Variants in KMT5A observed in about 807,000 individuals in gnomAD.
KMT5A encodes the protein N-lysine methyltransferase KMT5A.
Under a neutral mutation model 40.6 loss-of-function variants are expected in KMT5A, and 6 were observed. The observed-to-expected ratio is 0.15, with a 90% confidence interval of 0.08 to 0.29. The LOEUF is 0.29. Ranked by LOEUF, KMT5A falls within the 10% of genes least tolerant of loss-of-function variation. The probability of loss-of-function intolerance (pLI) is 1.00; values close to 1 mark genes in which losing one functional copy is unlikely to be tolerated. For missense variants in KMT5A, 308 were observed against 459.1 expected, an observed-to-expected ratio of 0.67 and a Z score of 3.01; for synonymous variants, 153 against 178.8, an observed-to-expected ratio of 0.86 and a Z score of 1.15.
At chr12:123,391,028 T>A in intron 3 of KMT5A, 2 of 484,174 alleles carry the variant, frequency 4.1e-6, no homozygotes, top group South Asian at 4.7e-5. Flanking sequence ...ATTGTCTTGC[T>A]TAGTTGCAAA....
In KMT5A at chr12:123,393,218, A is replaced by G. The variant is rs537583339; in HGVS notation, c.290-1829A>G. Among the ~76,000 whole-genome samples, 51 of 152,216 alleles carry G rather than the reference A, an allele frequency of 3.4e-4. 1 individual carries two copies. The South Asian group carries it at 0.01, about 31-fold the overall frequency. ...TTTTCTGTTTTGTTTATCTAGATAT[A>G]GTTAATATATCATAACGTTCATGTT... On this transcript the variant is annotated intron_variant, in intron 3 of 7. Transcript: ENST00000402868.
At chr12:123,387,055 C>T (rs577686119) in intron 1 of KMT5A, among the ~76,000 whole-genome samples, 4 of 152,196 alleles carry the variant, frequency 2.6e-5, no homozygotes, top group Admixed American at 6.5e-5. Context: ...CGGGGTTTCG[C>T]CATGTTGGCC....
chr12:123,399,292 C>T (rs549885813), intron 5 of KMT5A, among the ~76,000 whole-genome samples: 1 of 152,256 alleles, frequency 6.6e-6, no homozygotes, highest in Non-Finnish European at 1.5e-5. Flanking sequence ...CACTCCATCT[C>T]CTTCTAGGCC....
intron 7 of KMT5A, among the ~76,000 whole-genome samples, chr12:123,406,215 C>T (rs1443210568): frequency 6.6e-6 from 1 of 152,224 alleles, no homozygotes; most frequent in Non-Finnish European, 1.5e-5. Context: ...TTAAGCAGCT[C>T]ACCTGGCTCT....
In KMT5A at chr12:123,384,324, G is replaced by C; in HGVS notation, c.10+116G>C. The stretch of plus-strand genomic sequence containing the variant: ...GTCCTCCTCGGGTGGCTCGGGGCAA[G>C]CTTGGGGACCCGCGTGGGGGGAGAG... On this transcript the variant is annotated intron_variant, in intron 1 of 7. Transcript: ENST00000402868. The surrounding 1 kb of genome is among the most constrained non-coding windows in gnomAD (Gnocchi z 5.7). 7.0e-7 allele frequency: 1 copy of C among 1,436,042 alleles called. No homozygotes were observed. The highest frequency in any genetic ancestry group is 9.5e-7 in the Non-Finnish European group (1 of 1,053,642). 89.0% of individuals were successfully genotyped at this position (1,436,042 alleles called of 1,614,324 possible).
chr12:123,406,370 A>G (rs1377851938), intron 7 of KMT5A, among the ~76,000 whole-genome samples: 2 of 152,056 alleles, frequency 1.3e-5, no homozygotes, highest in African/African-American at 2.4e-5. Context: ...GCAGGAGTGC[A>G]GTGGCACGAT....
intron 1 of KMT5A, among the ~76,000 whole-genome samples, chr12:123,386,689 T>C (rs1416984015): frequency 6.6e-6 from 1 of 152,128 alleles, no homozygotes; most frequent in Non-Finnish European, 1.5e-5. Context: ...TTTATAATCA[T>C]GCAAATATTT....
intron 7 of KMT5A, 22 bp from the exon 8 acceptor site, chr12:123,407,471 T>C (rs377661291): frequency 1.9e-5 from 31 of 1,612,520 alleles, no homozygotes; most frequent in Non-Finnish European, 2.5e-5. Flanking sequence ...TTTAATCCTC[T>C]CTGGCCCTCC....
chr12:123,396,581 A>T (rs1031986948), intron 5 of KMT5A, 149 bp downstream of exon 5: 1 of 695,462 alleles, frequency 1.4e-6, no homozygotes, highest in Non-Finnish European at 2.4e-6. Flanking sequence ...TTTCTCCTGG[A>T]TCTATCGGGG....
At chr12:123,400,085 G>A (rs1878030078) in intron 5 of KMT5A, among the ~76,000 whole-genome samples, 1 of 151,956 alleles carries the variant, frequency 6.6e-6, no homozygotes, top group South Asian at 2.1e-4. Context: ...GCCTCCCAAA[G>A]TGCTGGGATT....
chr12:123,394,979 C>A, intron 3 of KMT5A, 68 bp from the exon 4 acceptor site: 1 of 1,366,380 alleles, frequency 7.3e-7, no homozygotes, highest in Non-Finnish European at 1.0e-6. Flanking sequence ...TCTTAGAATG[C>A]AGCTGGTCGT....
At position 123,403,596 on chromosome 12, in the gene KMT5A, T is replaced by C; in HGVS notation, c.621T>C (p.Asp207=). 2 of 1,614,146 alleles carry C rather than the reference T, an allele frequency of 1.2e-6. No homozygotes were observed. The highest frequency in any genetic ancestry group is 1.7e-4 in the Middle Eastern group (1 of 6,060). The stretch of plus-strand genomic sequence containing the variant: ...AGTCTGAAGAAAGGAAAAGAATAGA[T>C]GAATTGATTGAAAGTGGGAAGGAAG... ...ELQSEERKRI[D]ELIESGKEEG... is the part of the protein sequence containing the mutation. Residue 207 remains aspartate, a synonymous_variant, in exon 6 of 8, where the codon GAT becomes GAC. Coordinates refer to ENST00000402868, the MANE Select transcript of KMT5A (RefSeq NM_020382.7).
At position 123,407,582 on chromosome 12, in the gene KMT5A, A is replaced by G. The variant is rs1370980819; in HGVS notation, c.938A>G (p.Asp313Gly). 5 of 1,613,706 alleles carry G rather than the reference A, an allele frequency of 3.1e-6. No individual in the cohort carries two copies. The highest frequency in any genetic ancestry group is 1.6e-4 in the Middle Eastern group (1 of 6,078). The change falls in exon 8 of 8, where the codon GAC becomes GGC. Residue 313 changes from aspartate (D) to glycine (G), a missense_variant. By Grantham distance (94) the Asp-to-Gly change is moderately conservative. This residue lies in a region of KMT5A where 77 missense variants were observed against 220.0 expected (regional missense o/e 0.35). Coordinates refer to ENST00000402868, the MANE Select transcript of KMT5A (RefSeq NM_020382.7). ...TGCCAAACCAAACTGCACGACATCG[A>G]CGGCGTACCTCACCTCATCCTCATC... ...GNCQTKLHDI[D>G]GVPHLILIAS...
At chr12:123,404,713 G>A (rs1878409078) in intron 6 of KMT5A, among the ~76,000 whole-genome samples, 171 bp from the exon 7 acceptor site, 1 of 152,162 alleles carries the variant, frequency 6.6e-6, no homozygotes, top group Non-Finnish European at 1.5e-5. Flanking sequence ...TTGCACAGCT[G>A]TATACACTTC....
intron 7 of KMT5A, among the ~76,000 whole-genome samples, chr12:123,406,798 G>A (rs1878586232): frequency 6.6e-6 from 1 of 151,902 alleles, no homozygotes; most frequent in African/African-American, 2.4e-5. Flanking sequence ...TGGCCGAGGT[G>A]GATGGATCAT....
At chr12:123,400,985 G>A (rs1417072192) in intron 5 of KMT5A, among the ~76,000 whole-genome samples, 1 of 151,480 alleles carries the variant, frequency 6.6e-6, no homozygotes, top group Admixed American at 6.6e-5. Flanking sequence ...AGTAGAGACA[G>A]GGTTTCGTCA....
intron 7 of KMT5A, among the ~76,000 whole-genome samples, chr12:123,407,206 G>C (rs1878619413): frequency 6.6e-6 from 1 of 151,618 alleles, no homozygotes; most frequent in African/African-American, 2.4e-5. Flanking sequence ...TGATGTGGTG[G>C]CATGTACCTG....
chr12:123,407,231 C>T (rs559896179), intron 7 of KMT5A, among the ~76,000 whole-genome samples: 99 of 149,426 alleles, frequency 6.6e-4, no homozygotes, highest in African/African-American at 2.3e-3. Context: ...CAAAGCTACT[C>T]GGGAGGCTGA....
At chr12:123,405,369 C>T (rs899273061) in intron 7 of KMT5A, among the ~76,000 whole-genome samples, 2 of 151,582 alleles carry the variant, frequency 1.3e-5, no homozygotes, top group Admixed American at 6.6e-5. Context: ...TGGAGTTTTG[C>T]CACATTGGCC....
Sources: allele counts gnomAD v4.1 joint callset (sites outside exome capture counted in the v4.1 genomes callset), GRCh38; gene constraint gnomAD v4.1.1; regional missense constraint gnomAD v4.1.1; non-coding constraint Gnocchi (gnomAD v3.1); transcripts MANE v1.5; gene names NCBI Gene and HGNC (gene_info 2026-07-23, HGNC 2026-07-21).